Variants in NMBR observed in about 807,000 individuals in gnomAD.
NMBR encodes the protein neuromedin B receptor.
NMBR carries 16 observed loss-of-function variants against 20.5 expected under a neutral mutation model. That is an observed-to-expected ratio of 0.78 (90% CI 0.53 to 1.19). NMBR has a LOEUF of 1.19. Ranked by LOEUF, NMBR falls within the 50% of genes most tolerant of loss-of-function variation. The pLI, the probability that NMBR is intolerant of heterozygous loss-of-function variation, is 0.00. For missense variants in NMBR, 582 were observed against 499.1 expected (o/e 1.17, Z -1.58); for synonymous variants, 212 against 196.6 (o/e 1.08, Z -0.65).
At chr6:142,113,688 T>G (rs1359882366) in intron 1 of NMBR, among the ~76,000 whole-genome samples, 2 of 152,164 alleles carry the variant, frequency 1.3e-5, no homozygotes, top group Admixed American at 6.6e-5. Flanking sequence ...TGATGCTCAC[T>G]TTGAATGTTT....
intron 1 of NMBR, chr6:142,133,110 TG>T (rs1562247330): frequency 1.6e-6 from 1 of 632,200 alleles, no homozygotes; most frequent in Non-Finnish European, 2.9e-6. Flanking sequence ...ACTGGCAATG[TG>T]GGTCAAGAAT....
intron 1 of NMBR, among the ~76,000 whole-genome samples, chr6:142,094,968 T>C (rs962358090): frequency 9.2e-5 from 14 of 152,194 alleles, no homozygotes; most frequent in African/African-American, 3.4e-4. Flanking sequence ...GTTATTGGTG[T>C]ATAAGAATGC....
In NMBR at chr6:142,088,582, T is replaced by G. The variant is rs770374190; in HGVS notation, c.77A>C (p.Glu26Ala). ...NESGSVPEGW[E>A]RDFLPASDGT... Reference sequence around the variant, plus strand: ...GTCCGAGGCCGGCAGGAAATCCCTTTCCCACCCCTCGGGAACGGAACCGCT... The same window carrying G: ...GTCCGAGGCCGGCAGGAAATCCCTTGCCCACCCCTCGGGAACGGAACCGCT... The change falls in exon 2 of 4, where the codon GAA becomes GCA. Residue 26 changes from glutamate to alanine, a missense_variant. Coordinates refer to ENST00000258042, the MANE Select transcript of NMBR (RefSeq NM_002511.4). The G allele has an allele frequency of 1.2e-6, 2 of 1,613,280 alleles. No homozygotes were observed. Among genetic ancestry groups the G allele is most frequent in the African/African-American group, 2.7e-5 (2 of 74,966 alleles).
intron 1 of NMBR, among the ~76,000 whole-genome samples, chr6:142,117,798 G>A (rs1208415897): frequency 6.6e-6 from 1 of 151,898 alleles, no homozygotes; most frequent in Admixed American, 6.6e-5. Flanking sequence ...AGCAGTTATA[G>A]TATACTTCTT....
At chr6:142,076,975 G>A (rs1776962938) in intron 3 of NMBR, among the ~76,000 whole-genome samples, 1 of 152,184 alleles carries the variant, frequency 6.6e-6, no homozygotes, top group Non-Finnish European at 1.5e-5. Flanking sequence ...GAGTGGTAAT[G>A]GAGGAAGCGA....
At chr6:142,081,970 T>C (rs1351365608) in intron 2 of NMBR, among the ~76,000 whole-genome samples, 1 of 152,188 alleles carries the variant, frequency 6.6e-6, no homozygotes, top group Non-Finnish European at 1.5e-5. Context: ...CTTCATCAAT[T>C]CTTATTTTGG....
At chr6:142,139,181 T>C (rs1778322061) in intron 1 of NMBR, among the ~76,000 whole-genome samples, 1 of 152,168 alleles carries the variant, frequency 6.6e-6, no homozygotes, top group Non-Finnish European at 1.5e-5. Flanking sequence ...GGTTTGCCTC[T>C]CAGGATTCTT....
chr6:142,084,605 G>A lies in NMBR; in HGVS notation c.422+3632C>T, dbSNP rs148107651. ...TCTAGTTTTATATTTGTTAATACAT[G>A]AAATTATGAAGTTTACAGTTTAGCA... is the stretch of plus-strand genomic sequence containing the variant. On this transcript the variant is annotated intron_variant, in intron 2 of 3. Transcript: ENST00000258042. Among the ~76,000 whole-genome samples the A allele has an allele frequency of 3.1e-4, 47 of 152,198 alleles. 1 individual carries two copies. The East Asian group carries it at 8.3e-3, about 27-fold the overall frequency.
At chr6:142,085,306 T>C (rs1020146193) in intron 2 of NMBR, among the ~76,000 whole-genome samples, 1 of 152,166 alleles carries the variant, frequency 6.6e-6, no homozygotes, top group Non-Finnish European at 1.5e-5. Flanking sequence ...GGCAGATCGC[T>C]TGAGGTCAGC....
At chr6:142,085,385 A>G (rs546993762) in intron 2 of NMBR, among the ~76,000 whole-genome samples, 2 of 152,240 alleles carry the variant, frequency 1.3e-5, no homozygotes, top group Admixed American at 6.5e-5. Flanking sequence ...TTAGCCAGGC[A>G]TAGTGGCGTG....
In NMBR at chr6:142,078,745, C is replaced by G; in HGVS notation, c.581G>C (p.Ser194Thr). ...AGGGTATGGGATACATGCTGTGAAG[C>G]TGCTATTATCCAAGCTACTGATGCG... ...VARISSLDNS[S>T]FTACIPYPQT... The change falls in exon 3 of 4, where the codon AGC becomes ACC. Residue 194 changes from serine (S) to threonine (T), a missense_variant. Ser to Thr is a moderately conservative substitution (Grantham distance 58). Coordinates refer to ENST00000258042, the MANE Select transcript of NMBR (RefSeq NM_002511.4). 6.2e-7 allele frequency: 1 copy of G among 1,613,880 alleles called. No homozygotes were observed. The highest frequency in any genetic ancestry group is 1.3e-5 in the African/African-American group (1 of 74,930).
chr6:142,088,529 A>G lies in NMBR; in HGVS notation c.130T>C (p.Cys44Arg). Residue 44 changes from cysteine (C) to arginine (R), a missense_variant, in exon 2 of 4, where the codon TGT (cysteine) becomes CGT (arginine). Physicochemically the swap from Cys to Arg is radical, Grantham distance 180. Transcript: ENST00000258042. Reference sequence around the variant, plus strand: ...AGCAGGTAGAGGGACGGGATCACACAGCGGATCACCAACTCCGTGGTGGTC... The same window carrying G: ...AGCAGGTAGAGGGACGGGATCACACGGCGGATCACCAACTCCGTGGTGGTC... ...DGTTTELVIRCVIPSLYLLII... is the reference protein window; with the variant it reads ...DGTTTELVIRRVIPSLYLLII... The G allele has an allele frequency of 1.2e-6, 2 of 1,614,072 alleles. No individual in the cohort carries two copies. Among genetic ancestry groups the G allele is most frequent in the African/African-American group, 1.3e-5 (1 of 75,052 alleles).
chr6:142,076,061 A>T lies in NMBR; in HGVS notation c.772-12T>A, dbSNP rs1189088106. ...TTCCGTGTTTCCATCTGCAAATATA[A>T]GAAATTGATCCCATTGGTTAAAGTG... is the stretch of plus-strand genomic sequence containing the variant. On this transcript the variant is annotated splice_polypyrimidine_tract_variant and intron_variant, in intron 3 of 3. Coordinates refer to ENST00000258042, the MANE Select transcript of NMBR (RefSeq NM_002511.4). The T allele has an allele frequency of 6.4e-7, 1 of 1,553,956 alleles. No individual in the cohort carries two copies. The highest frequency in any genetic ancestry group is 2.3e-5 in the East Asian group (1 of 44,434).
intron 1 of NMBR, among the ~76,000 whole-genome samples, chr6:142,097,210 T>C (rs999847652): frequency 6.6e-6 from 1 of 152,134 alleles, no homozygotes; most frequent in Non-Finnish European, 1.5e-5. Flanking sequence ...TTTGATCCTG[T>C]CATTATGATG....
intron 1 of NMBR, chr6:142,134,966 T>A (rs970918763): frequency 2.8e-5 from 14 of 506,528 alleles, no homozygotes; most frequent in Non-Finnish European, 4.5e-5. Context: ...TTATCATTTT[T>A]ATTTAGTTTT....
At chr6:142,119,661 C>T (rs529674031) in intron 1 of NMBR, among the ~76,000 whole-genome samples, 6 of 151,856 alleles carry the variant, frequency 4.0e-5, no homozygotes, top group Admixed American at 1.3e-4. Flanking sequence ...TTAATCTTAA[C>T]GGGAACCCTA....
At chr6:142,078,085 C>T (rs1024406890) in intron 3 of NMBR, among the ~76,000 whole-genome samples, 1 of 152,194 alleles carries the variant, frequency 6.6e-6, no homozygotes. Flanking sequence ...CCCCTCATCT[C>T]TCATTCTGAC....
At chr6:142,118,308 A>G (rs1273237141) in intron 1 of NMBR, among the ~76,000 whole-genome samples, 4 of 152,014 alleles carry the variant, frequency 2.6e-5, no homozygotes, top group African/African-American at 9.7e-5. Context: ...CATTATTCAC[A>G]TACACATAGC....
At chr6:142,094,208 G>A (rs1043004247) in intron 1 of NMBR, among the ~76,000 whole-genome samples, 1 of 151,982 alleles carries the variant, frequency 6.6e-6, no homozygotes, top group African/African-American at 2.4e-5. Flanking sequence ...TGGTGTTTTA[G>A]ACATGAAGTC....
Sources: gnomAD v4.1 joint callset for allele counts (sites outside exome capture counted in the v4.1 genomes callset) on GRCh38, gnomAD v4.1.1 for gene constraint, MANE v1.5 for transcripts, NCBI Gene and HGNC (gene_info 2026-07-23, HGNC 2026-07-21) for gene names.